Variants in RIMS2 observed in about 807,000 individuals in gnomAD.
RIMS2 encodes the protein regulating synaptic membrane exocytosis protein 2.
A neutral mutation model predicts 174.4 loss-of-function variants in RIMS2; 59 were observed. The observed-to-expected ratio is 0.34, with a 90% CI of 0.27 to 0.42. The LOEUF (loss-of-function observed/expected upper bound fraction) is 0.42, where lower values mean the gene tolerates loss of function less well. RIMS2 is among the 10% of genes least tolerant of loss of function. The pLI, the probability that RIMS2 is intolerant of heterozygous loss-of-function variation, is 1.00. For missense variants in RIMS2, 1,620 were observed against 1,666.3 expected, an observed-to-expected ratio of 0.97 and a Z score of 0.48; for synonymous variants, 606 against 572.5, an observed-to-expected ratio of 1.06 and a Z score of -0.84.
chr8:103,839,857 CAAAACA>C (rs371646173), intron 3 of RIMS2, among the ~76,000 whole-genome samples: 139 of 152,178 alleles, frequency 9.1e-4, no homozygotes, highest in African/African-American at 3.1e-3. Flanking sequence ...ATATGTAGCG[CAAAACA>C]AAAACAAAAA....
chr8:104,159,210 G>C (rs2098745113), intron 19 of RIMS2, among the ~76,000 whole-genome samples: 1 of 152,132 alleles, frequency 6.6e-6, no homozygotes, highest in Non-Finnish European at 1.5e-5. Context: ...GGTTGTAGAT[G>C]TGTGTTGTTA....
chr8:103,578,437 G>C (rs958531211), intron 1 of RIMS2, among the ~76,000 whole-genome samples: 1 of 151,700 alleles, frequency 6.6e-6, no homozygotes, highest in African/African-American at 2.4e-5. Flanking sequence ...AGACTGAGAC[G>C]GGAGAATCAT....
intron 1 of RIMS2, among the ~76,000 whole-genome samples, chr8:103,551,410 T>G (rs1431136537): frequency 1.3e-5 from 2 of 152,200 alleles, no homozygotes; most frequent in Non-Finnish European, 2.9e-5. Flanking sequence ...CACTTCATTC[T>G]AAAAACTCTC....
chr8:103,591,416 T>G (rs1480960809), intron 1 of RIMS2, among the ~76,000 whole-genome samples: 1 of 151,236 alleles, frequency 6.6e-6, no homozygotes, highest in Non-Finnish European at 1.5e-5. Context: ...AAAATTTTGA[T>G]GAAATTGGAT....
chr8:103,650,441 C>T (rs1296791794), intron 1 of RIMS2, among the ~76,000 whole-genome samples: 1 of 152,188 alleles, frequency 6.6e-6, no homozygotes, highest in Admixed American at 6.5e-5. Flanking sequence ...TCAGGTGGCC[C>T]TTTGGTAGAG....
At chr8:104,211,298 C>G (rs16871088) in intron 19 of RIMS2, among the ~76,000 whole-genome samples, 13,169 of 152,042 alleles carry the variant, frequency 0.087, 688 homozygotes, top group African/African-American at 0.14. Context: ...AATAAAATGG[C>G]CTTCTACTTT....
intron 1 of RIMS2, among the ~76,000 whole-genome samples, chr8:103,655,884 A>T (rs2096525382): frequency 6.6e-6 from 1 of 152,070 alleles, no homozygotes; most frequent in Non-Finnish European, 1.5e-5. Context: ...TATACAGGGA[A>T]GATATTGAAG....
chr8:103,892,056 A>T (rs2099249322), intron 4 of RIMS2, among the ~76,000 whole-genome samples: 1 of 152,090 alleles, frequency 6.6e-6, no homozygotes. Context: ...TGTTGAAGAC[A>T]ATATACATTA....
chr8:103,996,810 T>C (rs1769635929), intron 17 of RIMS2, among the ~76,000 whole-genome samples: 1 of 151,874 alleles, frequency 6.6e-6, no homozygotes, highest in Non-Finnish European at 1.5e-5. Flanking sequence ...AAGAGTTGTT[T>C]TGAGAAGTAA....
chr8:104,169,934 A>G (rs2135381535), intron 19 of RIMS2, among the ~76,000 whole-genome samples: 1 of 152,198 alleles, frequency 6.6e-6, no homozygotes, highest in African/African-American at 2.4e-5. Flanking sequence ...AAAATGATTC[A>G]AGAGCAGATT....
chr8:103,575,657 T>A (rs900698030), intron 1 of RIMS2, among the ~76,000 whole-genome samples: 1 of 139,052 alleles, frequency 7.2e-6, no homozygotes, highest in Non-Finnish European at 1.5e-5. Flanking sequence ...AATTTATATA[T>A]ATAAACACAC....
chr8:103,633,195 T>G lies in RIMS2; in HGVS notation c.177-63891T>G, dbSNP rs1241846018. On this transcript the variant is annotated intron_variant, in intron 1 of 23. Coordinates refer to ENST00000504942, the Ensembl canonical transcript of RIMS2. Reference sequence around the variant, plus strand: ...GCATGTGCCACCACGCCCGGCTATTTTTTTTTTTTTTTTGTATTTTTTTGT... The same window carrying G: ...GCATGTGCCACCACGCCCGGCTATTGTTTTTTTTTTTTTGTATTTTTTTGT... Among the ~76,000 whole-genome samples the G allele has an allele frequency of 2.1e-5, 3 of 146,272 alleles. No homozygotes were observed. In the South Asian group the frequency reaches 6.4e-4, roughly 31 times the overall value.
chr8:103,534,784 A>G (rs562388248), intron 1 of RIMS2, among the ~76,000 whole-genome samples: 14 of 152,304 alleles, frequency 9.2e-5, no homozygotes, highest in African/African-American at 3.4e-4. Context: ...AATTTTATCA[A>G]TAAGGGTTTT....
At chr8:104,158,804 C>T (rs564641976) in intron 19 of RIMS2, among the ~76,000 whole-genome samples, 2 of 151,904 alleles carry the variant, frequency 1.3e-5, no homozygotes, top group East Asian at 3.9e-4. Flanking sequence ...AACCCTTTTT[C>T]AGATGGATAG....
rs181805385 is a variant in RIMS2, at chr8:104,102,649, A to G, written c.3334+88034A>G. Among the ~76,000 whole-genome samples the G allele has an allele frequency of 2.8e-3, 431 of 152,322 alleles. 3 individuals carry two copies. The highest frequency in any genetic ancestry group is 9.4e-3 in the African/African-American group (390 of 41,568). On this transcript the variant is annotated intron_variant, in intron 19 of 23. Coordinates refer to ENST00000504942, the Ensembl canonical transcript of RIMS2. ...TCCACATGCCTGGGGAGGCCTCACA[A>G]TCATGGAGGAAGTTCAGTGAAGGAG...
At chr8:104,240,992 A>G (rs2099288426) in intron 19 of RIMS2, among the ~76,000 whole-genome samples, 1 of 152,106 alleles carries the variant, frequency 6.6e-6, no homozygotes, top group African/African-American at 2.4e-5. Context: ...TGAGTCACAG[A>G]GAGGGTATGT....
intron 1 of RIMS2, among the ~76,000 whole-genome samples, chr8:103,694,419 C>T (rs775745467): frequency 1.3e-5 from 2 of 151,862 alleles, no homozygotes; most frequent in Non-Finnish European, 2.9e-5. Flanking sequence ...GGCTTGATGA[C>T]TAGGGCTTTA....
intron 19 of RIMS2, among the ~76,000 whole-genome samples, chr8:104,102,624 T>A (rs2097924081): frequency 6.6e-6 from 1 of 152,202 alleles, no homozygotes; most frequent in Non-Finnish European, 1.5e-5. Context: ...GACTCATAGT[T>A]CCACATGCCT....
At chr8:104,232,842 C>G (rs1479374731) in intron 19 of RIMS2, among the ~76,000 whole-genome samples, 2 of 151,508 alleles carry the variant, frequency 1.3e-5, no homozygotes, top group Non-Finnish European at 2.9e-5. Context: ...TAGCACCTTC[C>G]TATTTTAACT....
Sources: gnomAD v4.1 joint callset for allele counts (sites outside exome capture counted in the v4.1 genomes callset) on GRCh38, gnomAD v4.1.1 for gene constraint, MANE v1.5 for transcripts, NCBI Gene and HGNC (gene_info 2026-07-23, HGNC 2026-07-21) for gene names.